Variants in FARP2 observed in about 807,000 individuals in gnomAD.
The protein encoded by FARP2 is FERM, ARH/RhoGEF and pleckstrin domain protein 2, also known as FERM, ARHGEF and pleckstrin domain-containing protein 2.
FARP2 carries 111 observed loss-of-function variants against 130.5 expected under a neutral mutation model. That is an observed-to-expected ratio of 0.85 (90% CI 0.73 to 1.00). The LOEUF is 1.00. Ranked by LOEUF, FARP2 falls within the 50% of genes least tolerant of loss-of-function variation. The pLI is 0.00. For missense variants in FARP2, 1,385 were observed against 1,346.3 expected, an observed-to-expected ratio of 1.03 and a Z score of -0.45; for synonymous variants, 504 against 516.9, an observed-to-expected ratio of 0.98 and a Z score of 0.34.
Position 241,482,161 on chromosome 2 carries a change from G to A in FARP2, c.2263-1304G>A, listed in dbSNP as rs567121302. ...CAAAGGGTAAAAAGAACTGTGAAGTGTCAGGGAGGTGGCAGAACTGTGAGC... is the reference window on the plus strand; with the variant it reads ...CAAAGGGTAAAAAGAACTGTGAAGTATCAGGGAGGTGGCAGAACTGTGAGC... On this transcript the variant is annotated intron_variant, in intron 19 of 26. Transcript: ENST00000264042. The surrounding 1 kb of genome is among the most constrained non-coding windows in gnomAD (Gnocchi z 4.6). Among the ~76,000 whole-genome samples the A allele has an allele frequency of 8.5e-5, 13 of 152,326 alleles. No homozygotes were observed. The highest frequency in any genetic ancestry group is 6.2e-4 in the South Asian group (3 of 4,828).
intron 13 of FARP2, chr2:241,441,784 G>A: frequency 1.6e-6 from 1 of 634,536 alleles, no homozygotes; most frequent in Non-Finnish European, 2.8e-6. Flanking sequence ...ATTGACAAAT[G>A]CCCAGCTGCA....
At chr2:241,489,841 G>T (rs981187154) in intron 21 of FARP2, 121 bp from the exon 22 acceptor site, 4 of 660,968 alleles carry the variant, frequency 6.1e-6, no homozygotes, top group African/African-American at 5.3e-5. Context: ...GTGTGCACTT[G>T]GACAGCACTG....
chr2:241,460,371 T>G (rs1384167813), intron 14 of FARP2, among the ~76,000 whole-genome samples: 2 of 152,102 alleles, frequency 1.3e-5, no homozygotes, highest in Admixed American at 6.5e-5. Flanking sequence ...AGCCTTGTAC[T>G]TCTGTGCCCA....
intron 18 of FARP2, among the ~76,000 whole-genome samples, chr2:241,471,602 T>G (rs1324164031): frequency 1.3e-5 from 2 of 149,256 alleles, no homozygotes; most frequent in Non-Finnish European, 3.0e-5. Flanking sequence ...CATGCCATTC[T>G]CCTGCCTCAG....
intron 2 of FARP2, among the ~76,000 whole-genome samples, chr2:241,398,421 G>A (rs2062082674): frequency 6.6e-6 from 1 of 152,150 alleles, no homozygotes; most frequent in African/African-American, 2.4e-5. Context: ...AATTATCAGT[G>A]TTGTTGGTAT....
chr2:241,453,072 G>A (rs953181390), intron 13 of FARP2, among the ~76,000 whole-genome samples: 3 of 152,100 alleles, frequency 2.0e-5, no homozygotes, highest in South Asian at 2.1e-4. Flanking sequence ...GCTCACACCT[G>A]TAATCCCAGC....
rs75031927 is a variant in FARP2 at position 241,365,765 on chromosome 2, A to G, written c.-24-7319A>G. On this transcript the variant is annotated intron_variant, in intron 1 of 26. Coordinates refer to ENST00000264042, the MANE Select transcript of FARP2 (RefSeq NM_014808.4). ...TTTAGTTTAGCTGATGTCTTGATTT[A>G]CAGTTAAGACCATTTGTTTCATTTC... is the stretch of plus-strand genomic sequence containing the variant. Among the ~76,000 whole-genome samples the G allele has an allele frequency of 0.012, 1,800 of 152,128 alleles. 122 individuals are homozygous for G. In the East Asian group the frequency reaches 0.16, roughly 14 times the overall value.
chr2:241,469,876 T>C (rs1399751540), intron 18 of FARP2, among the ~76,000 whole-genome samples: 2 of 152,240 alleles, frequency 1.3e-5, no homozygotes, highest in Non-Finnish European at 2.9e-5. Context: ...ATGTATAGAC[T>C]GGTGCAAAAC....
intron 3 of FARP2, among the ~76,000 whole-genome samples, chr2:241,404,357 T>G (rs1170674191): frequency 6.6e-6 from 1 of 152,232 alleles, no homozygotes; most frequent in Admixed American, 6.5e-5. Context: ...CGTTATTAAG[T>G]TCTGTCCAGC....
chr2:241,417,943 C>T lies in FARP2; in HGVS notation c.624-19C>T. The T allele has an allele frequency of 6.2e-7, 1 of 1,613,762 alleles. No individual in the cohort carries two copies. The highest frequency in any genetic ancestry group is 8.5e-7 in the Non-Finnish European group (1 of 1,179,782). On this transcript the variant is annotated intron_variant, in intron 7 of 26. Coordinates refer to ENST00000264042, the MANE Select transcript of FARP2 (RefSeq NM_014808.4). ...AATCAAGTGTTTGTAGTGTATGATTCTACCATTTTTTATTACAGGGGCCAG... is the reference window on the plus strand; with the variant it reads ...AATCAAGTGTTTGTAGTGTATGATTTTACCATTTTTTATTACAGGGGCCAG...
chr2:241,434,234 A>C lies in FARP2; in HGVS notation c.944A>C (p.Glu315Ala). 1.2e-6 allele frequency: 2 copies of C among 1,613,622 alleles called. No homozygotes were observed. The highest frequency in any genetic ancestry group is 2.7e-5 in the African/African-American group (2 of 75,020). The change falls in exon 10 of 27, where the codon GAG becomes GCG. Residue 315 changes from glutamate (E) to alanine (A), a missense_variant. Transcript: ENST00000264042. ...AAGAACTTCTGGAAGATTTGTGTGGAGTATCACACCTTTTTTAGACTTTTG... is the reference window on the plus strand; with the variant it reads ...AAGAACTTCTGGAAGATTTGTGTGGCGTATCACACCTTTTTTAGACTTTTG... ...ECKNFWKICV[E>A]YHTFFRLLDQ...
At chr2:241,467,492 T>C (rs1436802324) in intron 17 of FARP2, among the ~76,000 whole-genome samples, 1 of 151,702 alleles carries the variant, frequency 6.6e-6, no homozygotes, top group African/African-American at 2.4e-5. Flanking sequence ...ATAAAAAATA[T>C]TTAAAAAATG....
At chr2:241,470,562 G>A (rs2064279667) in intron 18 of FARP2, among the ~76,000 whole-genome samples, 2 of 151,360 alleles carry the variant, frequency 1.3e-5, no homozygotes, top group Non-Finnish European at 2.9e-5. Flanking sequence ...GTTCTGAGGG[G>A]GGACTCTGTT....
rs961346185 is a variant in FARP2 at position 241,425,138 on chromosome 2, C to T, written c.772-6541C>T. Among the ~76,000 whole-genome samples, 9 of 152,010 alleles carry T rather than the reference C, an allele frequency of 5.9e-5. No homozygotes were observed. The East Asian group carries it at 1.5e-3, about 26-fold the overall frequency. On this transcript the variant is annotated intron_variant, in intron 8 of 26. Transcript: ENST00000264042. ...AGGAGAACCGCTTGAGCCTGGGAGG[C>T]GGAGGTTGCAGTGAGCCAAAATCAA... is the stretch of plus-strand genomic sequence containing the variant.
chr2:241,388,407 CA>C (rs2061837490), intron 2 of FARP2, among the ~76,000 whole-genome samples: 1 of 152,178 alleles, frequency 6.6e-6, no homozygotes, highest in Non-Finnish European at 1.5e-5. Context: ...CCCTACTTCA[CA>C]TCATACTCAA....
intron 2 of FARP2, among the ~76,000 whole-genome samples, chr2:241,402,874 ATATATATTTTTTT>A (rs2062225311): frequency 4.6e-4 from 5 of 10,978 alleles, no homozygotes; most frequent in Admixed American, 4.1e-3. Flanking sequence ...ATATATATAT[ATATATATTTTTTT>A]TTTTTTTTTT....
intron 4 of FARP2, among the ~76,000 whole-genome samples, chr2:241,406,273 A>C (rs929887697): frequency 8.6e-5 from 13 of 151,928 alleles, no homozygotes; most frequent in Non-Finnish European, 1.5e-4. Flanking sequence ...ACGTCACTGC[A>C]CTCCAGCCTG....
At position 241,435,901 on chromosome 2, in the gene FARP2, A is replaced by G. The variant is rs1477619454; in HGVS notation, c.1101-580A>G. 7.7e-5 allele frequency among the ~76,000 whole-genome samples: 11 copies of G among 142,570 alleles called. No individual in the cohort carries two copies. In the Admixed American group the frequency reaches 7.9e-4, roughly 10 times the overall value. 93.5% of individuals were successfully genotyped at this position (142,570 alleles called of 152,430 possible). On this transcript the variant is annotated intron_variant, in intron 11 of 26. Transcript: ENST00000264042. ...TAGCTTATATATATTTTTACATAGT[A>G]TAGTAAATTTTTTTTTTTTTTTTTT...
chr2:241,409,329 C>A (rs2062454682), intron 5 of FARP2, among the ~76,000 whole-genome samples: 1 of 152,102 alleles, frequency 6.6e-6, no homozygotes, highest in Non-Finnish European at 1.5e-5. Flanking sequence ...GTGGGGGGAT[C>A]AGTTGAGCTC....
Sources: allele counts gnomAD v4.1 joint callset (sites outside exome capture counted in the v4.1 genomes callset), GRCh38; gene constraint gnomAD v4.1.1; non-coding constraint Gnocchi (gnomAD v3.1); transcripts MANE v1.5; gene names NCBI Gene and HGNC (gene_info 2026-07-23, HGNC 2026-07-21).